The following ATE1 variants were observed in gnomAD, a reference collection of about 807,000 sequenced individuals.
ATE1 encodes arginyltransferase 1.
ATE1 carries 36 observed loss-of-function variants against 70.5 expected under a neutral mutation model. The ratio of observed to expected loss-of-function variants is 0.51; its 90% CI spans 0.39 to 0.67. The LOEUF is 0.67. ATE1 is among the 30% of genes least tolerant of loss of function. ATE1 has a pLI of 0.00. For synonymous variants in ATE1, 232 were observed against 219.3 expected, an observed-to-expected ratio of 1.06 and a Z score of -0.51; for missense variants, 593 against 629.5, an observed-to-expected ratio of 0.94 and a Z score of 0.62.
intron 8 of ATE1, 83 bp from the exon 9 acceptor site, chr10:121,841,346 G>A: frequency 1.0e-6 from 1 of 994,966 alleles, no homozygotes; most frequent in Non-Finnish European, 1.3e-6. Context: ...ATTTTCCTCA[G>A]GTTAATAAGT....
intron 3 of ATE1, among the ~76,000 whole-genome samples, chr10:121,919,330 G>A (rs1050436330): frequency 6.6e-5 from 10 of 152,006 alleles, no homozygotes; most frequent in African/African-American, 1.2e-4. Flanking sequence ...GGGCTGAAGC[G>A]GGCAGATCAC....
intron 11 of ATE1, among the ~76,000 whole-genome samples, chr10:121,758,336 T>C (rs1397971083): frequency 1.3e-5 from 2 of 152,222 alleles, no homozygotes; most frequent in African/African-American, 4.8e-5. Context: ...AAATTCCCAT[T>C]TACAATGAAA....
chr10:121,841,388 C>T (rs577071571), intron 8 of ATE1, 125 bp from the exon 9 acceptor site: 2 of 628,314 alleles, frequency 3.2e-6, no homozygotes, highest in South Asian at 8.0e-5. Context: ...CCATCATCAT[C>T]CCTAGTCACA....
At position 121,909,385 on chromosome 10, in the gene ATE1, T is replaced by C. The variant is rs371295833; in HGVS notation, c.583+1521A>G. ...TTTAAAAATTGGAATTTGAACACTA[T>C]TCAATGGCATTAAGAAATTTTCTTC... On this transcript the variant is annotated intron_variant, in intron 5 of 11. Coordinates refer to ENST00000224652, the MANE Select transcript of ATE1 (RefSeq NM_001001976.3). 7.9e-5 allele frequency among the ~76,000 whole-genome samples: 12 copies of C among 152,350 alleles called. No homozygotes were observed. The East Asian group carries it at 1.5e-3, about 20-fold the overall frequency.
intron 6 of ATE1, among the ~76,000 whole-genome samples, chr10:121,901,354 C>A (rs1266963000): frequency 6.6e-6 from 1 of 152,108 alleles, no homozygotes; most frequent in Non-Finnish European, 1.5e-5. Context: ...ATTATCAGGA[C>A]TTCAGTGATA....
chr10:121,767,801 T>TG (rs1319176642), intron 11 of ATE1, among the ~76,000 whole-genome samples: 1 of 152,096 alleles, frequency 6.6e-6, no homozygotes, highest in Non-Finnish European at 1.5e-5. Flanking sequence ...GAATGTAAAA[T>TG]GGGGCAGTTG....
intron 10 of ATE1, among the ~76,000 whole-genome samples, chr10:121,798,531 T>C (rs1188728419): frequency 6.6e-6 from 1 of 152,254 alleles, no homozygotes; most frequent in Non-Finnish European, 1.5e-5. Context: ...TACTTCTCTC[T>C]GTATTTGTTA....
chr10:121,849,211 CAAA>C (rs35330521), intron 8 of ATE1, among the ~76,000 whole-genome samples: 10 of 140,712 alleles, frequency 7.1e-5, no homozygotes, highest in Admixed American at 7.0e-5. Flanking sequence ...AACTCCATCT[CAAA>C]AAAAAAAAAA....
intron 11 of ATE1, among the ~76,000 whole-genome samples, chr10:121,787,663 A>G (rs375054915): frequency 1.1e-4 from 17 of 152,364 alleles, no homozygotes; most frequent in African/African-American, 4.1e-4. Context: ...TAAGAAATGT[A>G]ACCTACTAGT....
At chr10:121,891,016 A>G (rs779040349) in intron 7 of ATE1, among the ~76,000 whole-genome samples, 1 of 152,160 alleles carries the variant, frequency 6.6e-6, no homozygotes, top group Non-Finnish European at 1.5e-5. Flanking sequence ...TGAGGTATAT[A>G]CCCTGGTTCT....
rs79847079 is a variant in ATE1, at chr10:121,898,179, C to A, written c.942+1687G>T. Among the ~76,000 whole-genome samples the A allele has an allele frequency of 7.8e-3, 1,194 of 152,208 alleles. 18 individuals are homozygous for A. The highest frequency in any genetic ancestry group is 0.028 in the African/African-American group (1,154 of 41,536). ...GACAAAGACAGACCCTCAATAAACG[C>A]CCGTTAAACCATATTATATCTAACA... On this transcript the variant is annotated intron_variant, in intron 7 of 11. Transcript: ENST00000224652.
At chr10:121,812,739 T>A (rs1947376969) in intron 10 of ATE1, among the ~76,000 whole-genome samples, 1 of 152,182 alleles carries the variant, frequency 6.6e-6, no homozygotes, top group South Asian at 2.1e-4. Context: ...CATTTGTAAA[T>A]CAAGTTCAAA....
chr10:121,826,310 T>G (rs572022796), intron 10 of ATE1, among the ~76,000 whole-genome samples: 3 of 151,336 alleles, frequency 2.0e-5, no homozygotes, highest in Admixed American at 6.6e-5. Flanking sequence ...AACAAGAATG[T>G]TTTTTTTTCT....
intron 8 of ATE1, among the ~76,000 whole-genome samples, chr10:121,869,491 T>C (rs1332648873): frequency 1.3e-5 from 2 of 152,234 alleles, no homozygotes; most frequent in African/African-American, 4.8e-5. Context: ...GAGGATTAAA[T>C]GAAAAAGTGA....
intron 8 of ATE1, among the ~76,000 whole-genome samples, chr10:121,856,812 C>A (rs566614587): frequency 6.6e-6 from 1 of 152,100 alleles, no homozygotes. Flanking sequence ...TTGTAAAAAA[C>A]GGTGTATCTG....
intron 7 of ATE1, among the ~76,000 whole-genome samples, chr10:121,895,096 T>C (rs895765353): frequency 6.6e-6 from 1 of 151,930 alleles, no homozygotes; most frequent in Non-Finnish European, 1.5e-5. Context: ...GGTGAGCACA[T>C]GGAGGGAGAA....
chr10:121,924,156 T>C (rs1951988400), intron 2 of ATE1, 110 bp downstream of exon 2: 1 of 954,842 alleles, frequency 1.0e-6, no homozygotes, highest in African/African-American at 1.7e-5. Flanking sequence ...AAGAATATAA[T>C]AAAAATTTTT....
At chr10:121,893,240 G>A (rs1950642322) in intron 7 of ATE1, among the ~76,000 whole-genome samples, 1 of 145,722 alleles carries the variant, frequency 6.9e-6, no homozygotes, top group African/African-American at 2.6e-5. Flanking sequence ...TCACGCCACT[G>A]CACTCTAGCC....
chr10:121,910,119 T>C (rs544968974), intron 5 of ATE1, among the ~76,000 whole-genome samples: 7 of 152,310 alleles, frequency 4.6e-5, no homozygotes, highest in African/African-American at 1.7e-4. Flanking sequence ...CAACTTAACA[T>C]GAAAACCTTA....
Sources: gnomAD v4.1 joint callset for allele counts (sites outside exome capture counted in the v4.1 genomes callset) on GRCh38, gnomAD v4.1.1 for gene constraint, MANE v1.5 for transcripts, NCBI Gene and HGNC (gene_info 2026-07-23, HGNC 2026-07-21) for gene names.